NTRK1: variants seen among roughly 807,000 people sequenced by gnomAD.
NTRK1 encodes neurotrophic receptor tyrosine kinase 1, also known as high affinity nerve growth factor receptor.
A neutral mutation model predicts 86.8 loss-of-function variants in NTRK1; 62 were observed. The observed-to-expected ratio is 0.71, with a 90% CI of 0.58 to 0.88. NTRK1 has a LOEUF of 0.88. Among genes scored for constraint, NTRK1 ranks in the 40% least tolerant of loss-of-function variants. The probability of loss-of-function intolerance (pLI) is 0.00; values close to 1 mark genes in which losing one functional copy is unlikely to be tolerated. For synonymous variants in NTRK1, 469 were observed against 456.6 expected, an observed-to-expected ratio of 1.03 and a Z score of -0.35; for missense variants, 967 against 1,078.4, an observed-to-expected ratio of 0.90 and a Z score of 1.45.
At chr1:156,870,607 C>A (rs906211266) in intron 6 of NTRK1, among the ~76,000 whole-genome samples, 2 of 152,166 alleles carry the variant, frequency 1.3e-5, no homozygotes, top group Admixed American at 1.3e-4. Flanking sequence ...TCTACTGGAA[C>A]CTTTGAACTC....
chr1:156,853,647 A>C, intron 2 of NTRK1: 1 of 1,146,062 alleles, frequency 8.7e-7, no homozygotes, highest in Non-Finnish European at 1.2e-6. Flanking sequence ...GGATTAAAAA[A>C]CAGTGGCAGC....
intron 1 of NTRK1, among the ~76,000 whole-genome samples, chr1:156,835,015 A>C (rs1378293958): frequency 6.6e-6 from 1 of 152,166 alleles, no homozygotes; most frequent in East Asian, 1.9e-4. Flanking sequence ...AGGGTGTGGG[A>C]ACCCAGACTT....
rs753459667 is a variant in NTRK1 at position 156,840,965 on chromosome 1, C to A, written c.-63-1116C>A. ...TCGGTGGTAGGCAGGGAGCCCCGGG[C>A]CCCCCGGCATTCCGGGCTGTAGTAG... On this transcript the variant is annotated intron_variant, in intron 1 of 16. Transcript: ENST00000392302. 8.1e-6 allele frequency: 13 copies of A among 1,613,232 alleles called. No homozygotes were observed. In the South Asian group the frequency reaches 1.2e-4, roughly 15 times the overall value.
chr1:156,879,523 C>G (rs561155173), intron 15 of NTRK1, among the ~76,000 whole-genome samples, 161 bp downstream of exon 15: 1 of 152,290 alleles, frequency 6.6e-6, no homozygotes, highest in South Asian at 2.1e-4. Context: ...GTGGAGGGGG[C>G]TCTGTCTCCT....
chr1:156,878,409 CT>C (rs1290693915), intron 14 of NTRK1, among the ~76,000 whole-genome samples: 1 of 152,230 alleles, frequency 6.6e-6, no homozygotes, highest in African/African-American at 2.4e-5. Context: ...CTGCCATGAC[CT>C]GCTTATCTGC....
chr1:156,819,777 C>T (rs1654133367), intron 1 of NTRK1, among the ~76,000 whole-genome samples: 1 of 152,104 alleles, frequency 6.6e-6, no homozygotes, highest in Non-Finnish European at 1.5e-5. Context: ...CTTTGACCTC[C>T]CAAATTGCTG....
intron 1 of NTRK1, among the ~76,000 whole-genome samples, chr1:156,823,557 T>C (rs1203386930): frequency 6.6e-6 from 1 of 152,162 alleles, no homozygotes; most frequent in African/African-American, 2.4e-5. Flanking sequence ...TGCTGGAGTT[T>C]GTAATCATTC....
Position 156,868,608 on chromosome 1 carries a change from C to G in NTRK1, c.678C>G (p.Gly226=), listed in dbSNP as rs900718976. The change falls in exon 6 of 17, where the codon GGC becomes GGG. Residue 226 remains glycine (G), a synonymous_variant. Coordinates refer to ENST00000524377, the MANE Select transcript of NTRK1 (RefSeq NM_002529.4). The stretch of plus-strand genomic sequence containing the variant: ...AGGGGCGGGGCCTGGAGCAGGCCGG[C>G]TGGATCCTCACAGAGCTGGAGCAGT... ...QVEGRGLEQA[G]WILTELEQSA... The G allele has an allele frequency of 6.4e-7, 1 of 1,550,894 alleles. No individual in the cohort carries two copies. Among genetic ancestry groups the G allele is most frequent in the African/African-American group, 1.4e-5 (1 of 73,042 alleles).
intron 1 of NTRK1, among the ~76,000 whole-genome samples, chr1:156,834,990 T>C (rs1654561653): frequency 1.3e-5 from 2 of 152,042 alleles, no homozygotes; most frequent in African/African-American, 4.8e-5. Context: ...GGGCATGGAA[T>C]GTGTGAGAAA....
intron 15 of NTRK1, 93 bp from the exon 16 acceptor site, chr1:156,879,906 G>A (rs1648153190): frequency 3.9e-6 from 6 of 1,520,938 alleles, no homozygotes; most frequent in African/African-American, 1.4e-5. Flanking sequence ...CCGAGCTTGT[G>A]TATTTATTTT....
intron 15 of NTRK1, 142 bp downstream of exon 15, chr1:156,879,504 C>T (rs543093701): frequency 2.9e-5 from 33 of 1,144,266 alleles, no homozygotes; most frequent in South Asian, 1.7e-4. Flanking sequence ...CCTACCTCCT[C>T]GGCTCCTGGT....
In NTRK1 at chr1:156,876,108, C is replaced by T. The variant is rs377462819; in HGVS notation, c.1530C>T (p.Ile510=). Residue 510 remains isoleucine, a synonymous_variant, in exon 13 of 17, where the codon ATC becomes ATT. Coordinates refer to ENST00000524377, the MANE Select transcript of NTRK1 (RefSeq NM_002529.4). The part of the protein sequence containing the change: ...ACVHHIKRRD[I]VLKWELGEGA... ...TTCACCACATCAAGCGCCGGGACAT[C>T]GTGCTCAAGTGGGAGCTGGGGGAGG... The T allele has an allele frequency of 8.7e-6, 14 of 1,614,106 alleles. No homozygotes were observed. Among genetic ancestry groups the T allele is most frequent in the South Asian group, 4.4e-5 (4 of 91,086 alleles).
chr1:156,874,832 A>G, intron 10 of NTRK1, 74 bp from the exon 11 acceptor site: 1 of 1,288,706 alleles, frequency 7.8e-7, no homozygotes, highest in Non-Finnish European at 1.1e-6. Context: ...GCAGGATGAA[A>G]AAATGGCTTA....
intron 2 of NTRK1, chr1:156,844,446 CAGAGGCTGTGTAT>C: frequency 6.2e-7 from 1 of 1,610,390 alleles, no homozygotes; most frequent in Non-Finnish European, 8.5e-7. Flanking sequence ...AGGTCTGTGA[CAGAGGCTGTGTAT>C]ACCTGGGCCA....
intron 2 of NTRK1, chr1:156,852,246 C>A: frequency 1.3e-6 from 2 of 1,500,638 alleles, no homozygotes; most frequent in South Asian, 1.3e-5. Flanking sequence ...TCCTGGCTGT[C>A]CTTCCAATGC....
In NTRK1 at chr1:156,868,145, G is replaced by T. The variant is rs141021604; in HGVS notation, c.470G>T (p.Arg157Leu). The part of the protein sequence containing the change: ...GNPLHCSCAL[R>L]WLQRWEEEGL... ...CCTCTGCACTGTTCTTGTGCCCTGC[G>T]CTGGCTACAGCGCTGGGAGGAGGAG... Residue 157 changes from arginine to leucine, a missense_variant, in exon 5 of 17, where the codon CGC (arginine) becomes CTC (leucine). Arg to Leu is a moderately radical substitution (Grantham distance 102, BLOSUM62 -2). Coordinates refer to ENST00000524377, the MANE Select transcript of NTRK1 (RefSeq NM_002529.4). The T allele has an allele frequency of 9.9e-6, 16 of 1,613,744 alleles. No individual in the cohort carries two copies. The highest frequency in any genetic ancestry group is 2.2e-5 in the East Asian group (1 of 44,892).
intron 1 of NTRK1, chr1:156,837,991 T>C (rs1654638937): frequency 1.3e-5 from 2 of 152,132 alleles, no homozygotes; most frequent in African/African-American, 2.4e-5. Flanking sequence ...TTCTTCCTAC[T>C]TGGTGACAGC....
intron 1 of NTRK1, among the ~76,000 whole-genome samples, chr1:156,820,550 C>A (rs116588443): frequency 3.0e-4 from 46 of 152,252 alleles, no homozygotes; most frequent in African/African-American, 8.7e-4. Flanking sequence ...TCCAGCCCCC[C>A]CAATGTATGT....
chr1:156,856,732 C>T (rs543353992), upstream of NTRK1, among the ~76,000 whole-genome samples: 55 of 152,264 alleles, frequency 3.6e-4, no homozygotes, highest in African/African-American at 1.3e-3. Context: ...TGTGCCCAGT[C>T]CAGGGCTGGA....
Sources: gnomAD v4.1 joint callset for allele counts (sites outside exome capture counted in the v4.1 genomes callset) on GRCh38, gnomAD v4.1.1 for gene constraint, MANE v1.5 for transcripts, NCBI Gene and HGNC (gene_info 2026-07-23, HGNC 2026-07-21) for gene names.